SMOC1: variants seen among roughly 807,000 people sequenced by gnomAD.
SMOC1 encodes SPARC-related modular calcium-binding protein 1.
A neutral mutation model predicts 56.3 loss-of-function variants in SMOC1; 22 were observed. The ratio of observed to expected loss-of-function variants is 0.39; its 90% CI spans 0.28 to 0.56. The LOEUF is 0.56. SMOC1 is among the 20% of genes least tolerant of loss of function. The pLI is 0.61. For missense variants in SMOC1, 509 were observed against 565.4 expected (o/e 0.90, Z 1.01); for synonymous variants, 193 against 215.0 (o/e 0.90, Z 0.89).
At chr14:69,964,101 G>T (rs1883481163) in intron 3 of SMOC1, among the ~76,000 whole-genome samples, 1 of 152,188 alleles carries the variant, frequency 6.6e-6, no homozygotes, top group African/African-American at 2.4e-5. Flanking sequence ...TCTTCAGATT[G>T]GCTGGCATCA....
intron 10 of SMOC1, among the ~76,000 whole-genome samples, chr14:70,022,684 G>T (rs1310877413): frequency 6.6e-6 from 1 of 152,202 alleles, no homozygotes; most frequent in African/African-American, 2.4e-5. Flanking sequence ...TTTTGGCTCT[G>T]TCTCATAGAG....
intron 3 of SMOC1, among the ~76,000 whole-genome samples, chr14:69,956,773 A>G (rs1883201687): frequency 6.6e-6 from 1 of 152,090 alleles, no homozygotes; most frequent in Non-Finnish European, 1.5e-5. Flanking sequence ...ACTCACACAC[A>G]GGAGTGGTTC....
chr14:70,014,364 T>G (rs1885437012), intron 10 of SMOC1, among the ~76,000 whole-genome samples: 1 of 152,156 alleles, frequency 6.6e-6, no homozygotes, highest in African/African-American at 2.4e-5. Flanking sequence ...ATATCTGAGC[T>G]GAGTTTTAAA....
intron 1 of SMOC1, among the ~76,000 whole-genome samples, chr14:69,940,952 C>G (rs1194517438): frequency 5.3e-5 from 8 of 152,022 alleles, no homozygotes; most frequent in Non-Finnish European, 8.8e-5. Flanking sequence ...TGTGTGTGCA[C>G]AAGCAGAAAA....
intron 1 of SMOC1, among the ~76,000 whole-genome samples, chr14:69,928,758 C>G (rs1663359792): frequency 6.6e-6 from 1 of 152,130 alleles, no homozygotes. Flanking sequence ...TTAATGTACC[C>G]ATCTGAGTAG....
chr14:70,006,017 A>G (rs1885136429), intron 7 of SMOC1, among the ~76,000 whole-genome samples: 2 of 152,206 alleles, frequency 1.3e-5, no homozygotes, highest in Admixed American at 6.5e-5. Context: ...AGAGACCCAC[A>G]AAATAGGCCC....
chr14:69,932,252 G>A (rs928074872), intron 1 of SMOC1, among the ~76,000 whole-genome samples: 3 of 152,248 alleles, frequency 2.0e-5, no homozygotes, highest in African/African-American at 7.2e-5. Flanking sequence ...CCCTGAACAG[G>A]AACAGCTTCC....
intron 5 of SMOC1, among the ~76,000 whole-genome samples, chr14:69,987,829 C>A (rs1884422220): frequency 6.6e-6 from 1 of 152,192 alleles, no homozygotes; most frequent in Non-Finnish European, 1.5e-5. Context: ...GGCCTTCTCG[C>A]AGGGCAAGGA....
At chr14:69,897,321 C>T (rs755452173) in intron 1 of SMOC1, among the ~76,000 whole-genome samples, 34 of 152,218 alleles carry the variant, frequency 2.2e-4, no homozygotes, top group Non-Finnish European at 4.4e-4. Context: ...GATAAGGTGG[C>T]TTGGGCCAGC....
rs57899033 is a variant in SMOC1 at position 70,015,461 on chromosome 14, CAAAA to C, written c.1046+1977_1046+1980del. 8.8e-3 allele frequency among the ~76,000 whole-genome samples: 1,327 copies of C among 150,578 alleles called. 18 individuals are homozygous for C. Among genetic ancestry groups the C allele is most frequent in the African/African-American group, 0.031 (1,293 of 41,142 alleles). ...ACCACAATAAAATTAACAACAACAA[CAAAA>C]AAAAAACGAAAGAAGAAAAAAGAAA... On this transcript the variant is annotated intron_variant, in intron 10 of 11. Transcript: ENST00000361956.
chr14:69,969,404 G>T (rs535600469), intron 3 of SMOC1, among the ~76,000 whole-genome samples: 3 of 152,096 alleles, frequency 2.0e-5, no homozygotes, highest in African/African-American at 4.8e-5. Flanking sequence ...CAATCATGGC[G>T]GAAGGGGAAG....
At chr14:70,026,342 A>G (rs1483446045) in intron 11 of SMOC1, among the ~76,000 whole-genome samples, 1 of 152,208 alleles carries the variant, frequency 6.6e-6, no homozygotes, top group East Asian at 1.9e-4. Flanking sequence ...TGGTCTGCAC[A>G]GCACACGGAA....
At chr14:69,922,932 C>CT (rs536127994) in intron 1 of SMOC1, among the ~76,000 whole-genome samples, 12,983 of 147,336 alleles carry the variant, frequency 0.088, 1,037 homozygotes, top group African/African-American at 0.23. Context: ...TCTCAGCCCT[C>CT]TTTTTTTTGT....
intron 1 of SMOC1, among the ~76,000 whole-genome samples, chr14:69,898,868 A>G (rs1045554684): frequency 1.3e-5 from 2 of 152,078 alleles, no homozygotes; most frequent in Admixed American, 6.5e-5. Context: ...TTTTTTGTTG[A>G]AAGCCAGCCA....
intron 1 of SMOC1, among the ~76,000 whole-genome samples, chr14:69,951,047 C>T (rs1330565910): frequency 1.3e-5 from 2 of 152,184 alleles, no homozygotes; most frequent in Non-Finnish European, 2.9e-5. Flanking sequence ...AAGGCTTCTT[C>T]ACTCAGCATG....
chr14:70,018,967 G>A (rs138154257), intron 10 of SMOC1, among the ~76,000 whole-genome samples: 10 of 152,318 alleles, frequency 6.6e-5, no homozygotes, highest in Non-Finnish European at 1.0e-4. Flanking sequence ...AGGCCGTCCC[G>A]CCTTACCTTC....
intron 1 of SMOC1, among the ~76,000 whole-genome samples, chr14:69,944,645 C>G (rs1882713476): frequency 6.6e-6 from 1 of 152,162 alleles, no homozygotes; most frequent in Non-Finnish European, 1.5e-5. Context: ...GCCCGAAAAA[C>G]TAGAGTGCTA....
intron 3 of SMOC1, among the ~76,000 whole-genome samples, chr14:69,961,451 A>G (rs760825133): frequency 3.3e-5 from 5 of 150,780 alleles, no homozygotes; most frequent in Non-Finnish European, 7.4e-5. Context: ...CATGATCTGG[A>G]CTCACTACAA....
chr14:69,935,139 T>C (rs1885263711), intron 1 of SMOC1, among the ~76,000 whole-genome samples: 6 of 152,200 alleles, frequency 3.9e-5, no homozygotes. Flanking sequence ...GTCTTCTTTC[T>C]TGGAACTTCT....
Sources: allele counts gnomAD v4.1 joint callset (sites outside exome capture counted in the v4.1 genomes callset), GRCh38; gene constraint gnomAD v4.1.1; transcripts MANE v1.5; gene names NCBI Gene and HGNC (gene_info 2026-07-23, HGNC 2026-07-21).